The following RGS7 variants were observed in gnomAD, a reference collection of about 807,000 sequenced individuals.
RGS7 encodes the protein regulator of G protein signaling 7.
A neutral mutation model predicts 81.1 loss-of-function variants in RGS7; 27 were observed. That is an observed-to-expected ratio of 0.33 (90% CI 0.25 to 0.46). The LOEUF (loss-of-function observed/expected upper bound fraction) is 0.46, where lower values mean the gene tolerates loss of function less well. Ranked by LOEUF, RGS7 falls within the 20% of genes least tolerant of loss-of-function variation. RGS7 has a pLI of 1.00. For missense variants in RGS7, 396 were observed against 607.4 expected (o/e 0.65, Z 3.66); for synonymous variants, 208 against 207.7 (o/e 1.00, Z -0.01).
chr1:241,182,038 C>T (rs908933846), intron 2 of RGS7, among the ~76,000 whole-genome samples: 2 of 152,192 alleles, frequency 1.3e-5, no homozygotes, highest in Non-Finnish European at 2.9e-5. Flanking sequence ...CGTGCAGAGT[C>T]ACAACCTATA....
intron 4 of RGS7, among the ~76,000 whole-genome samples, chr1:240,953,580 G>A (rs1246317670): frequency 6.6e-6 from 1 of 151,962 alleles, no homozygotes; most frequent in African/African-American, 2.4e-5. Flanking sequence ...CAGGTGGACT[G>A]CAGCAAAGGC....
At chr1:240,940,278 C>A (rs1677366656) in intron 4 of RGS7, among the ~76,000 whole-genome samples, 1 of 152,010 alleles carries the variant, frequency 6.6e-6, no homozygotes, top group Non-Finnish European at 1.5e-5. Context: ...CTTGCTTTGG[C>A]CATTTCTTCA....
intron 2 of RGS7, among the ~76,000 whole-genome samples, chr1:241,158,336 A>G (rs2069350222): frequency 6.6e-6 from 1 of 152,218 alleles, no homozygotes; most frequent in Non-Finnish European, 1.5e-5. Context: ...TTATTGGTGA[A>G]CATCCAATGG....
At position 241,102,382 on chromosome 1, in the gene RGS7, T is replaced by TG. The variant is rs1050935197; in HGVS notation, c.79-3621dup. Reference sequence around the variant, plus strand: ...AGCTAAGTTCATGGCCATGATGGGATGGGGGGTGGGACACACCTCGTTGTA... The same window carrying TG: ...AGCTAAGTTCATGGCCATGATGGGATGGGGGGGTGGGACACACCTCGTTGTA... On this transcript the variant is annotated intron_variant, in intron 2 of 18. Coordinates refer to ENST00000440928, the MANE Select transcript of RGS7 (RefSeq NM_001364886.1). 4.6e-5 allele frequency among the ~76,000 whole-genome samples: 7 copies of TG among 152,128 alleles called. No homozygotes were observed. The South Asian group carries it at 6.2e-4, about 14-fold the overall frequency.
intron 3 of RGS7, among the ~76,000 whole-genome samples, chr1:241,090,704 T>A (rs924169307): frequency 1.3e-5 from 2 of 152,214 alleles, no homozygotes; most frequent in African/African-American, 4.8e-5. Flanking sequence ...ATAGAATTTA[T>A]GCAGAAAACA....
intron 18 of RGS7, among the ~76,000 whole-genome samples, chr1:240,793,537 G>A (rs1420996431): frequency 6.7e-6 from 1 of 148,634 alleles, no homozygotes; most frequent in Non-Finnish European, 1.5e-5. Flanking sequence ...CTATGGTGGG[G>A]AAACTCAATG....
intron 2 of RGS7, among the ~76,000 whole-genome samples, chr1:241,174,714 G>A (rs748835745): frequency 2.5e-4 from 38 of 152,068 alleles, no homozygotes; most frequent in Admixed American, 3.3e-4. Context: ...CAAAAAGTAC[G>A]TATCTGGGGA....
At chr1:240,783,657 G>A (rs1279170236) in intron 18 of RGS7, among the ~76,000 whole-genome samples, 1 of 151,500 alleles carries the variant, frequency 6.6e-6, no homozygotes, top group Non-Finnish European at 1.5e-5. Flanking sequence ...AAAAAAAATC[G>A]TTCTTGGTCT....
intron 3 of RGS7, among the ~76,000 whole-genome samples, chr1:241,048,894 G>A (rs1310011139): frequency 6.6e-6 from 1 of 152,158 alleles, no homozygotes; most frequent in Non-Finnish European, 1.5e-5. Context: ...AAATCTGCAA[G>A]GGCGATCTCC....
chr1:240,967,534 C>T (rs1195606179), intron 4 of RGS7, among the ~76,000 whole-genome samples: 1 of 148,620 alleles, frequency 6.7e-6, no homozygotes, highest in Non-Finnish European at 1.5e-5. Context: ...CAAGCAGTGC[C>T]CTTGGCTAGG....
At chr1:241,005,950 T>C (rs2058670714) in intron 3 of RGS7, among the ~76,000 whole-genome samples, 1 of 152,244 alleles carries the variant, frequency 6.6e-6, no homozygotes, top group Admixed American at 6.5e-5. Flanking sequence ...ACAATTTGTA[T>C]ATAGACCTTC....
intron 3 of RGS7, among the ~76,000 whole-genome samples, chr1:240,985,100 A>G (rs1685458652): frequency 6.6e-6 from 1 of 152,202 alleles, no homozygotes; most frequent in South Asian, 2.1e-4. Flanking sequence ...GTTGTGTTCA[A>G]CCTTATAGTC....
At position 240,844,024 on chromosome 1, in the gene RGS7, G is replaced by A. The variant is rs1165634900; in HGVS notation, c.610-16852C>T. On this transcript the variant is annotated intron_variant, in intron 9 of 18. Transcript: ENST00000440928. ...CCAGCCCCTCAAAGCCTGTGTGCAC[G>A]TGCATGCCTGAGTGTGTTTGTACAC... Among the ~76,000 whole-genome samples, 6 of 152,270 alleles carry A rather than the reference G, an allele frequency of 3.9e-5. 1 individual carries two copies. In the South Asian group the frequency reaches 6.2e-4, roughly 16 times the overall value.
chr1:240,805,323 A>G (rs1339885050), intron 15 of RGS7, among the ~76,000 whole-genome samples: 2 of 152,302 alleles, frequency 1.3e-5, no homozygotes, highest in East Asian at 1.9e-4. Context: ...GGCCAAGGCT[A>G]TAGCGAGCCA....
chr1:240,993,243 AGAGAG>A (rs1686775016), intron 3 of RGS7, among the ~76,000 whole-genome samples: 1 of 151,550 alleles, frequency 6.6e-6, no homozygotes, highest in Non-Finnish European at 1.5e-5. Flanking sequence ...GGAGAAAGAA[AGAGAG>A]GAAAGAAAGA....
intron 10 of RGS7, among the ~76,000 whole-genome samples, chr1:240,822,298 A>G (rs1572255195): frequency 6.6e-6 from 1 of 152,238 alleles, no homozygotes; most frequent in Admixed American, 6.5e-5. Flanking sequence ...AAAAAGATGT[A>G]CAGATTTGAA....
intron 16 of RGS7, 48 bp from the exon 17 acceptor site, chr1:240,801,556 A>T: frequency 5.6e-6 from 7 of 1,257,472 alleles, no homozygotes; most frequent in Non-Finnish European, 8.1e-6. Context: ...AGGGAAGATT[A>T]AAAAAAAGAA....
chr1:240,858,282 T>C (rs1305509064), intron 9 of RGS7, among the ~76,000 whole-genome samples: 1 of 152,242 alleles, frequency 6.6e-6, no homozygotes, highest in Non-Finnish European at 1.5e-5. Context: ...TATTGTATAG[T>C]AACAATTCAT....
intron 2 of RGS7, among the ~76,000 whole-genome samples, chr1:241,220,986 G>A (rs201521124): frequency 0.35 from 21,236 of 60,550 alleles, 2,498 homozygotes; most frequent in East Asian, 0.45. Context: ...AGGAAGGAAG[G>A]AAGGAAGGAA....
Sources: gnomAD v4.1 joint callset for allele counts (sites outside exome capture counted in the v4.1 genomes callset) on GRCh38, gnomAD v4.1.1 for gene constraint, MANE v1.5 for transcripts, NCBI Gene and HGNC (gene_info 2026-07-23, HGNC 2026-07-21) for gene names.